The following NBEA variants were observed in gnomAD, a reference collection of about 807,000 sequenced individuals.
NBEA encodes the protein lysosomal-trafficking regulator 2.
A neutral mutation model predicts 343.4 loss-of-function variants in NBEA; 44 were observed. The ratio of observed to expected loss-of-function variants is 0.13; its 90% CI spans 0.10 to 0.16. NBEA has a LOEUF of 0.16. Among genes scored for constraint, NBEA ranks in the 10% least tolerant of loss-of-function variants. The probability of loss-of-function intolerance (pLI) is 1.00; values close to 1 mark genes in which losing one functional copy is unlikely to be tolerated. For missense variants in NBEA, 2,555 were observed against 3,631.3 expected (o/e 0.70, Z 7.62); for synonymous variants, 1,175 against 1,238.7 (o/e 0.95, Z 1.08).
At chr13:35,037,517 C>G (rs1335001240) in intron 1 of NBEA, among the ~76,000 whole-genome samples, 1 of 152,090 alleles carries the variant, frequency 6.6e-6, no homozygotes, top group African/African-American at 2.4e-5. Flanking sequence ...TCTTCATTGC[C>G]TGAGCTTATT....
intron 38 of NBEA, among the ~76,000 whole-genome samples, chr13:35,407,714 C>T (rs1039140869): frequency 1.6e-4 from 25 of 152,052 alleles, no homozygotes; most frequent in African/African-American, 5.8e-4. Context: ...TATACATCAT[C>T]AACAGTCAAG....
intron 49 of NBEA, among the ~76,000 whole-genome samples, chr13:35,633,486 A>G (rs2083559968): frequency 1.3e-5 from 2 of 151,624 alleles, no homozygotes; most frequent in Admixed American, 1.3e-4. Context: ...TCACTAGGTC[A>G]GGAGTTCAAG....
At chr13:35,553,139 A>G (rs1288352412) in intron 43 of NBEA, among the ~76,000 whole-genome samples, 3 of 151,944 alleles carry the variant, frequency 2.0e-5, no homozygotes, top group Non-Finnish European at 4.4e-5. Context: ...CAATCCACCC[A>G]CTTAAGCCTC....
chr13:35,116,576 TATA>T (rs758488305), intron 13 of NBEA, among the ~76,000 whole-genome samples: 1 of 152,094 alleles, frequency 6.6e-6, no homozygotes, highest in South Asian at 2.1e-4. Flanking sequence ...TGCTTGCAGA[TATA>T]ATAATCTTCA....
intron 36 of NBEA, among the ~76,000 whole-genome samples, chr13:35,328,168 A>G (rs1018528365): frequency 3.3e-5 from 5 of 152,030 alleles, no homozygotes; most frequent in South Asian, 2.1e-4. Context: ...AAATTTAGCA[A>G]AGTCACAGGA....
Position 35,117,400 on chromosome 13 carries a change from C to A in NBEA, c.2003-14C>A. On this transcript the variant is annotated splice_polypyrimidine_tract_variant and intron_variant, in intron 13 of 58. Coordinates refer to ENST00000379939, the MANE Select transcript of NBEA (RefSeq NM_001385012.1). ...TGTATTTTTTATTTTACTTTTTTTTCTGTTTTGTTCTAGATGGTCCCCGGC... is the reference window on the plus strand; with the variant it reads ...TGTATTTTTTATTTTACTTTTTTTTATGTTTTGTTCTAGATGGTCCCCGGC... 1 of 1,276,730 alleles carries A rather than the reference C, an allele frequency of 7.8e-7. No homozygotes were observed. Among genetic ancestry groups the A allele is most frequent in the Non-Finnish European group, 1.0e-6 (1 of 995,166 alleles). 79.1% of individuals were successfully genotyped at this position (1,276,730 alleles called of 1,614,324 possible). A position where few individuals can be genotyped will look rare whatever the true frequency, so the allele number is the denominator to read the frequency against.
At chr13:35,510,820 G>T (rs2077247490) in intron 41 of NBEA, among the ~76,000 whole-genome samples, 1 of 152,144 alleles carries the variant, frequency 6.6e-6, no homozygotes, top group Non-Finnish European at 1.5e-5. Context: ...AGAAAGTCCA[G>T]TAAGATTTAT....
chr13:35,546,563 T>G (rs1356222453), intron 41 of NBEA, among the ~76,000 whole-genome samples: 2 of 151,858 alleles, frequency 1.3e-5, no homozygotes, highest in Non-Finnish European at 2.9e-5. Context: ...TAATTTTTTT[T>G]TTTTTTTGAG....
At chr13:35,422,143 T>C (rs1264280936) in intron 38 of NBEA, among the ~76,000 whole-genome samples, 1 of 151,730 alleles carries the variant, frequency 6.6e-6, no homozygotes, top group Non-Finnish European at 1.5e-5. Context: ...AGCATCTTTT[T>C]TTTTTAATTT....
intron 1 of NBEA, among the ~76,000 whole-genome samples, chr13:35,011,979 A>G (rs1422647137): frequency 1.3e-5 from 2 of 152,200 alleles, no homozygotes; most frequent in Non-Finnish European, 2.9e-5. Context: ...ATCAGTGCAT[A>G]GTGCCAGTGA....
chr13:35,333,795 TTG>T (rs1325564963), intron 36 of NBEA, among the ~76,000 whole-genome samples: 1 of 152,126 alleles, frequency 6.6e-6, no homozygotes, highest in African/African-American at 2.4e-5. Context: ...AACATGCTGT[TTG>T]TCTTTTTCTG....
chr13:34,945,052 G>GACGTTA (rs1399911436), intron 1 of NBEA, among the ~76,000 whole-genome samples: 14 of 152,202 alleles, frequency 9.2e-5, no homozygotes, highest in Admixed American at 4.6e-4. Flanking sequence ...CTGACATGAA[G>GACGTTA]TTTCAGTATG....
chr13:35,613,420 T>C (rs1262405875), intron 48 of NBEA, among the ~76,000 whole-genome samples: 1 of 152,058 alleles, frequency 6.6e-6, no homozygotes, highest in Non-Finnish European at 1.5e-5. Context: ...ATTGTTTATA[T>C]ATACCATATT....
chr13:35,628,899 C>G (rs1372934079), intron 49 of NBEA, among the ~76,000 whole-genome samples: 1 of 152,090 alleles, frequency 6.6e-6, no homozygotes, highest in African/African-American at 2.4e-5. Flanking sequence ...GCCTGGGTGA[C>G]AGAGCGAGAC....
intron 35 of NBEA, among the ~76,000 whole-genome samples, chr13:35,291,694 C>G (rs2035810013): frequency 6.6e-6 from 1 of 151,826 alleles, no homozygotes; most frequent in African/African-American, 2.4e-5. Context: ...CACTGCAGTT[C>G]AGAGAAATAA....
intron 38 of NBEA, among the ~76,000 whole-genome samples, chr13:35,388,334 T>C (rs1469324827): frequency 1.3e-5 from 2 of 152,182 alleles, no homozygotes; most frequent in Admixed American, 1.3e-4. Flanking sequence ...ATACAATTTT[T>C]AGTGTTAAGC....
intron 35 of NBEA, among the ~76,000 whole-genome samples, chr13:35,304,989 C>T (rs770181622): frequency 1.1e-4 from 17 of 152,054 alleles, no homozygotes; most frequent in Middle Eastern, 3.2e-3. Flanking sequence ...TCTTACAATG[C>T]GGCCACTACC....
In NBEA at chr13:35,161,732, C is replaced by A. The variant is rs57633963; in HGVS notation, c.3862-18C>A. The A allele has an allele frequency of 3.3e-3, 5,211 of 1,585,902 alleles. 157 individuals carry two copies. The East Asian group carries it at 0.081, about 25-fold the overall frequency. ...ATTTCTTTTGTATTCCACAAAAGTTCATCTTTTCCTTCTTTAGGCTGTGCA... is the reference window on the plus strand; with the variant it reads ...ATTTCTTTTGTATTCCACAAAAGTTAATCTTTTCCTTCTTTAGGCTGTGCA... On this transcript the variant is annotated intron_variant, in intron 22 of 58. Transcript: ENST00000379939.
chr13:35,168,123 T>G (rs1020388548), intron 24 of NBEA, among the ~76,000 whole-genome samples: 3 of 151,790 alleles, frequency 2.0e-5, no homozygotes, highest in Non-Finnish European at 3.0e-5. Flanking sequence ...TTGGTTTTGC[T>G]GTTCTTTTGT....
Sources: gnomAD v4.1 joint callset for allele counts (sites outside exome capture counted in the v4.1 genomes callset) on GRCh38, gnomAD v4.1.1 for gene constraint, MANE v1.5 for transcripts, NCBI Gene and HGNC (gene_info 2026-07-23, HGNC 2026-07-21) for gene names.